ADAMTS2: variants seen among roughly 807,000 people sequenced by gnomAD.
The protein encoded by ADAMTS2 is A disintegrin and metalloproteinase with thrombospondin motifs 2.
In ADAMTS2, 50 loss-of-function variants were observed where a neutral mutation model predicts 123.0. The ratio of observed to expected loss-of-function variants is 0.41; its 90% CI spans 0.32 to 0.51. The LOEUF (loss-of-function observed/expected upper bound fraction) is 0.51, where lower values mean the gene tolerates loss of function less well. Ranked by LOEUF, ADAMTS2 falls within the 20% of genes least tolerant of loss-of-function variation. The pLI is 0.35. For missense variants in ADAMTS2, 1,494 were observed against 1,705.2 expected, an observed-to-expected ratio of 0.88 and a Z score of 2.18; for synonymous variants, 678 against 695.4, an observed-to-expected ratio of 0.98 and a Z score of 0.39.
At chr5:179,306,264 C>T (rs1393863835) in intron 2 of ADAMTS2, among the ~76,000 whole-genome samples, 1 of 152,162 alleles carries the variant, frequency 6.6e-6, no homozygotes, top group Non-Finnish European at 1.5e-5. Context: ...CAGCAGAGTG[C>T]ACAACAGACA....
intron 3 of ADAMTS2, among the ~76,000 whole-genome samples, chr5:179,215,214 C>T (rs1198044031): frequency 2.0e-5 from 3 of 152,152 alleles, no homozygotes; most frequent in South Asian, 2.1e-4. Flanking sequence ...TTTGGGAGGC[C>T]GAGGCGGGTG....
At chr5:179,246,516 G>A (rs1368933195) in intron 3 of ADAMTS2, among the ~76,000 whole-genome samples, 1 of 152,132 alleles carries the variant, frequency 6.6e-6, no homozygotes, top group Non-Finnish European at 1.5e-5. Flanking sequence ...AAGGTTTTTG[G>A]AAAGCTCTTG....
intron 3 of ADAMTS2, among the ~76,000 whole-genome samples, chr5:179,230,990 A>G (rs2261740): frequency 0.51 from 76,839 of 151,328 alleles, 20,197 homozygotes; most frequent in South Asian, 0.68. Context: ...CAGCCTGGGC[A>G]ACAGAGCGAA....
chr5:179,244,391 C>A (rs926868521), intron 3 of ADAMTS2, among the ~76,000 whole-genome samples: 1 of 152,154 alleles, frequency 6.6e-6, no homozygotes, highest in African/African-American at 2.4e-5. Context: ...AGCTGTCAAC[C>A]AAGAATCTTT....
intron 5 of ADAMTS2, among the ~76,000 whole-genome samples, chr5:179,178,234 G>A (rs1448248501): frequency 6.7e-6 from 1 of 150,330 alleles, no homozygotes; most frequent in Non-Finnish European, 1.5e-5. Context: ...GAGGCAGGCA[G>A]CCAGCCACAT....
At chr5:179,309,911 C>G (rs1438944662) in intron 2 of ADAMTS2, among the ~76,000 whole-genome samples, 2 of 152,164 alleles carry the variant, frequency 1.3e-5, no homozygotes, top group Non-Finnish European at 2.9e-5. Context: ...AGGGCAGGAC[C>G]CTGGACCCAG....
chr5:179,233,133 A>G (rs970005521), intron 3 of ADAMTS2, among the ~76,000 whole-genome samples: 3 of 152,240 alleles, frequency 2.0e-5, no homozygotes, highest in Admixed American at 1.3e-4. Flanking sequence ...CAGCAAATAT[A>G]TCAAGAAAAG....
intron 2 of ADAMTS2, among the ~76,000 whole-genome samples, chr5:179,313,906 G>A (rs1756900437): frequency 9.9e-6 from 1 of 100,546 alleles, no homozygotes; most frequent in African/African-American, 4.2e-5. Flanking sequence ...CGAGACAGAG[G>A]AGGGCCTGGC....
chr5:179,333,584 T>C (rs1436485385), intron 2 of ADAMTS2, among the ~76,000 whole-genome samples: 1 of 149,846 alleles, frequency 6.7e-6, no homozygotes, highest in Non-Finnish European at 1.5e-5. Flanking sequence ...GCCACAGATT[T>C]GGTTTTTTTC....
In ADAMTS2 at chr5:179,317,256, T is replaced by A. The variant is rs1757025897; in HGVS notation, c.534+26511A>T. On this transcript the variant is annotated intron_variant, in intron 2 of 21. Coordinates refer to ENST00000251582, the MANE Select transcript of ADAMTS2 (RefSeq NM_014244.5). The surrounding 1 kb of genome is among the most constrained non-coding windows in gnomAD (Gnocchi z 4.9). ...TGGTTTCTTGGTAGTTCCTCATAAATCCATGCGTAGGTCTGGCTACAGCTA... is the reference window on the plus strand; with the variant it reads ...TGGTTTCTTGGTAGTTCCTCATAAAACCATGCGTAGGTCTGGCTACAGCTA... 6.6e-6 allele frequency among the ~76,000 whole-genome samples: 1 copy of A among 152,162 alleles called. No homozygotes were observed. Among genetic ancestry groups the A allele is most frequent in the South Asian group, 2.1e-4 (1 of 4,826 alleles).
chr5:179,138,336 G>A (rs551136255), intron 11 of ADAMTS2, among the ~76,000 whole-genome samples: 1 of 152,192 alleles, frequency 6.6e-6, no homozygotes, highest in African/African-American at 2.4e-5. Context: ...AGCACGGCAG[G>A]AGCTGAGTGA....
At chr5:179,174,633 G>C (rs1763894147) in intron 5 of ADAMTS2, among the ~76,000 whole-genome samples, 1 of 152,164 alleles carries the variant, frequency 6.6e-6, no homozygotes, top group African/African-American at 2.4e-5. Flanking sequence ...TTTGTAAGAG[G>C]GGTATTTTCA....
At position 179,318,757 on chromosome 5, in the gene ADAMTS2, T is replaced by C. The variant is rs368749041; in HGVS notation, c.534+25010A>G. On this transcript the variant is annotated intron_variant, in intron 2 of 21. Coordinates refer to ENST00000251582, the MANE Select transcript of ADAMTS2 (RefSeq NM_014244.5). ...CTGAGCCTCCCCAGGATGACTCCCCTGGGGGAAACACTGATGTCGCTGTTT... is the reference window on the plus strand; with the variant it reads ...CTGAGCCTCCCCAGGATGACTCCCCCGGGGGAAACACTGATGTCGCTGTTT... Among the ~76,000 whole-genome samples, 22 of 151,552 alleles carry C rather than the reference T, an allele frequency of 1.5e-4. No individual in the cohort carries two copies. The South Asian group carries it at 4.4e-3, about 30-fold the overall frequency.
chr5:179,167,447 G>T (rs181697807), intron 5 of ADAMTS2, among the ~76,000 whole-genome samples: 1 of 152,212 alleles, frequency 6.6e-6, no homozygotes, highest in South Asian at 2.1e-4. Context: ...TGTTCCAATC[G>T]TTGCTCTCCG....
chr5:179,326,858 T>TGGGAAGGAGAGG (rs1757333781), intron 2 of ADAMTS2, among the ~76,000 whole-genome samples: 1 of 151,048 alleles, frequency 6.6e-6, no homozygotes, highest in African/African-American at 2.4e-5. Flanking sequence ...ACTGAAGTCA[T>TGGGAAGGAGAGG]GGGAAGGAGA....
Position 179,135,800 on chromosome 5 carries a change from G to A in ADAMTS2, c.2085+109C>T, listed in dbSNP as rs745711738. 1.8e-4 allele frequency: 268 copies of A among 1,507,048 alleles called. 1 individual carries two copies. Among genetic ancestry groups the A allele is most frequent in the Middle Eastern group, 6.9e-4 (3 of 4,352 alleles). 93.4% of individuals were successfully genotyped at this position (1,507,048 alleles called of 1,614,324 possible). On this transcript the variant is annotated intron_variant, in intron 13 of 21. Transcript: ENST00000251582. The stretch of plus-strand genomic sequence containing the variant: ...GTCCGGGCATTGTTTCTGACACTTC[G>A]TATGCTTCACCTCATGCATCTTGCC...
intron 3 of ADAMTS2, among the ~76,000 whole-genome samples, chr5:179,267,934 T>A (rs909759838): frequency 6.6e-6 from 1 of 152,180 alleles, no homozygotes; most frequent in Admixed American, 6.5e-5. Flanking sequence ...CGCATGGTGA[T>A]AGGGGCTGTC....
In ADAMTS2 at chr5:179,256,036, G is replaced by T. The variant is rs1197845540; in HGVS notation, c.688+16875C>A. ...CAGGTACCCACCAGTCTCCTTCTCT[G>T]TCCCCAGCCTCTCCCGCAGCTTGGC... On this transcript the variant is annotated intron_variant, in intron 3 of 21. Transcript: ENST00000251582. The surrounding 1 kb of genome is among the most constrained non-coding windows in gnomAD (Gnocchi z 4.1). Among the ~76,000 whole-genome samples the T allele has an allele frequency of 6.6e-6, 1 of 152,270 alleles. No individual in the cohort carries two copies. Among genetic ancestry groups the T allele is most frequent in the East Asian group, 1.9e-4 (1 of 5,170 alleles).
In ADAMTS2 at chr5:179,345,369, C is replaced by A; in HGVS notation, c.-41G>T. On this transcript the variant is annotated 5_prime_UTR_variant, in exon 1 of 22. Coordinates refer to ENST00000251582, the MANE Select transcript of ADAMTS2 (RefSeq NM_014244.5). The surrounding 1 kb of genome is among the most constrained non-coding windows in gnomAD (Gnocchi z 7.5). The stretch of plus-strand genomic sequence containing the variant: ...GCCGGGGCCCCGCACTCGCAGCCGG[C>A]GCGAAAGTTCCCCGCGAGCCGCCCA... The A allele has an allele frequency of 2.7e-6, 3 of 1,120,356 alleles. No individual in the cohort carries two copies. Among genetic ancestry groups the A allele is most frequent in the Non-Finnish European group, 3.3e-6 (3 of 916,490 alleles). The allele number at this position is 1,120,356 out of a possible 1,614,324, so 69.4% of individuals were successfully genotyped here.
Sources: gnomAD v4.1 joint callset for allele counts (sites outside exome capture counted in the v4.1 genomes callset) on GRCh38, gnomAD v4.1.1 for gene constraint, Gnocchi (gnomAD v3.1) non-coding constraint, MANE v1.5 for transcripts, NCBI Gene and HGNC (gene_info 2026-07-23, HGNC 2026-07-21) for gene names.